The following CEP170 variants were observed in gnomAD, a reference collection of about 807,000 sequenced individuals.
CEP170 encodes the protein centrosomal protein of 170 kDa.
A neutral mutation model predicts 151.9 loss-of-function variants in CEP170; 21 were observed. That is an observed-to-expected ratio of 0.14 (90% confidence interval 0.10 to 0.20). CEP170 has a LOEUF of 0.20. CEP170 is among the 10% of genes least tolerant of loss of function. CEP170 has a pLI of 1.00. For missense variants in CEP170, 964 were observed against 1,892.9 expected, an observed-to-expected ratio of 0.51 and a Z score of 9.11; for synonymous variants, 356 against 648.8, an observed-to-expected ratio of 0.55 and a Z score of 6.86.
intron 1 of CEP170, among the ~76,000 whole-genome samples, chr1:243,233,744 AT>A (rs67429858): frequency 0.011 from 1,476 of 130,928 alleles, 19 homozygotes; most frequent in African/African-American, 0.022. Flanking sequence ...AAAAAAAAAT[AT>A]ATATATATAT....
At chr1:243,230,995 A>G (rs986215444) in intron 1 of CEP170, among the ~76,000 whole-genome samples, 3 of 152,106 alleles carry the variant, frequency 2.0e-5, no homozygotes, top group African/African-American at 7.2e-5. Context: ...CAGTGACAGA[A>G]GTGACTCTTC....
chr1:243,141,170 G>A (rs2055788758), intron 15 of CEP170, among the ~76,000 whole-genome samples: 1 of 152,026 alleles, frequency 6.6e-6, no homozygotes, highest in African/African-American at 2.4e-5. Flanking sequence ...TGTCAAAAAG[G>A]CTAGCCATTT....
rs534948861 is a variant in CEP170, at chr1:243,167,157, A to G, written c.1844-1041T>C. On this transcript the variant is annotated intron_variant, in intron 12 of 19. Transcript: ENST00000366542. Reference sequence around the variant, plus strand: ...GTTTATTTTCTATATTTTCAACTACATAGTAGAGAAGAACAACATAACTAG... The same window carrying G: ...GTTTATTTTCTATATTTTCAACTACGTAGTAGAGAAGAACAACATAACTAG... Among the ~76,000 whole-genome samples, 77 of 152,238 alleles carry G rather than the reference A, an allele frequency of 5.1e-4. 1 individual carries two copies. The South Asian group carries it at 0.015, about 30-fold the overall frequency.
At position 243,185,911 on chromosome 1, in the gene CEP170, C is replaced by T. The variant is rs755590678; in HGVS notation, c.1434G>A (p.Met478Ile). 1.2e-6 allele frequency: 2 copies of T among 1,613,704 alleles called. No individual in the cohort carries two copies. Among genetic ancestry groups the T allele is most frequent in the Non-Finnish European group, 1.7e-6 (2 of 1,179,684 alleles). The change falls in exon 10 of 20, where the codon ATG becomes ATA. Residue 478 changes from methionine (M) to isoleucine (I), a missense_variant. Physicochemically the swap from Met to Ile is conservative, Grantham distance 10. Coordinates refer to ENST00000366542, the MANE Select transcript of CEP170 (RefSeq NM_014812.3). The surrounding 1 kb of genome is among the most constrained non-coding windows in gnomAD (Gnocchi z 4.9). ...TAGCAGAAGTTGCTTGATTTTTTAA[C>T]ATTTTATCCATCTCCTGGCTTGGTC... ...GHRPSQEMDK[M>I]LKNQATSATS...
intron 14 of CEP170, among the ~76,000 whole-genome samples, chr1:243,155,607 TAGTA>T (rs1417057704): frequency 1.3e-5 from 2 of 152,164 alleles, no homozygotes; most frequent in Non-Finnish European, 2.9e-5. Context: ...AGTTCAGCCA[TAGTA>T]AGTTATTAAT....
intron 4 of CEP170, among the ~76,000 whole-genome samples, chr1:243,204,332 A>G (rs1469336324): frequency 6.6e-6 from 1 of 152,188 alleles, no homozygotes; most frequent in African/African-American, 2.4e-5. Context: ...CAGATTAATT[A>G]TAGTTTTAGA....
chr1:243,132,194 C>G (rs966706862), intron 17 of CEP170, among the ~76,000 whole-genome samples: 3 of 152,196 alleles, frequency 2.0e-5, no homozygotes, highest in Non-Finnish European at 2.9e-5. Context: ...CCAGTTGATT[C>G]TCAAACTACC....
At chr1:243,214,280 G>GTTTTTTTTTTTTT (rs758433258) in intron 3 of CEP170, among the ~76,000 whole-genome samples, 1 of 100,546 alleles carries the variant, frequency 9.9e-6, no homozygotes, top group Admixed American at 1.3e-4. Flanking sequence ...AAGCTGTAAA[G>GTTTTTTTTTTTTT]TTTTTTTTTT....
chr1:243,225,182 C>T lies in CEP170; in HGVS notation c.99G>A (p.Met33Ile), dbSNP rs759917825. The change falls in exon 2 of 20, where the codon ATG becomes ATA. Residue 33 changes from methionine (M) to isoleucine (I), a missense_variant. Met to Ile is a conservative substitution (Grantham distance 10). Transcript: ENST00000366542. ...IFVGRDDCEL[M>I]LQSRSVDKQH... ...AGAAGCTTGACACAATTACCTGCAA[C>T]ATGAGCTCACAGTCATCTCTTCCAA... 6.3e-6 allele frequency: 10 copies of T among 1,588,222 alleles called. No homozygotes were observed. The South Asian group carries it at 9.2e-5, about 15-fold the overall frequency.
At chr1:243,127,581 CTAAA>C (rs1184755407) in intron 19 of CEP170, among the ~76,000 whole-genome samples, 1 of 152,028 alleles carries the variant, frequency 6.6e-6, no homozygotes, top group Non-Finnish European at 1.5e-5. Flanking sequence ...TGTGTTGGGG[CTAAA>C]TAAAGATGAA....
intron 8 of CEP170, among the ~76,000 whole-genome samples, chr1:243,187,315 G>A (rs879478197): frequency 6.6e-6 from 1 of 152,164 alleles, no homozygotes; most frequent in Non-Finnish European, 1.5e-5. Flanking sequence ...GGTTTTGGAT[G>A]TGATGACACA....
chr1:243,157,394 G>A (rs971797935), intron 13 of CEP170, among the ~76,000 whole-genome samples: 3 of 152,080 alleles, frequency 2.0e-5, no homozygotes, highest in African/African-American at 7.2e-5. Context: ...TAAAAAGAGA[G>A]ATAATGGCTA....
At chr1:243,150,692 A>G (rs2148407612) in intron 14 of CEP170, among the ~76,000 whole-genome samples, 1 of 152,278 alleles carries the variant, frequency 6.6e-6, no homozygotes, top group East Asian at 1.9e-4. Context: ...TGTGAGATCT[A>G]CACAAAATTA....
intron 13 of CEP170, among the ~76,000 whole-genome samples, chr1:243,159,670 A>G (rs1398616735): frequency 6.6e-6 from 1 of 152,172 alleles, no homozygotes; most frequent in Non-Finnish European, 1.5e-5. Flanking sequence ...TGCTGAAATC[A>G]AAGTATAAGC....
At chr1:243,232,929 A>T (rs1269354618) in intron 1 of CEP170, among the ~76,000 whole-genome samples, 1 of 152,182 alleles carries the variant, frequency 6.6e-6, no homozygotes, top group African/African-American at 2.4e-5. Context: ...AGCATTTGAC[A>T]AGCTATTTTT....
intron 13 of CEP170, among the ~76,000 whole-genome samples, chr1:243,159,999 G>A (rs1440183613): frequency 1.3e-5 from 2 of 152,070 alleles, no homozygotes; most frequent in Non-Finnish European, 1.5e-5. Flanking sequence ...ATGTTGGCCA[G>A]GCTGATCTCG....
chr1:243,230,330 C>T (rs542701344), intron 1 of CEP170, among the ~76,000 whole-genome samples: 80 of 147,370 alleles, frequency 5.4e-4, no homozygotes, highest in Non-Finnish European at 9.9e-4. Context: ...AAATAAGATA[C>T]AAAATACAGT....
intron 1 of CEP170, among the ~76,000 whole-genome samples, chr1:243,238,764 C>T (rs886979099): frequency 1.3e-5 from 2 of 152,100 alleles, no homozygotes; most frequent in African/African-American, 4.8e-5. Context: ...ATTTGAATTT[C>T]CAAAGTCAAA....
chr1:243,186,093 C>T, intron 9 of CEP170, 21 bp from the exon 10 acceptor site: 3 of 1,613,580 alleles, frequency 1.9e-6, no homozygotes, highest in Non-Finnish European at 2.5e-6. Flanking sequence ...AAAGAAACCA[C>T]TTTGGCATCT....
Sources: allele counts gnomAD v4.1 joint callset (sites outside exome capture counted in the v4.1 genomes callset), GRCh38; gene constraint gnomAD v4.1.1; non-coding constraint Gnocchi (gnomAD v3.1); transcripts MANE v1.5; gene names NCBI Gene and HGNC (gene_info 2026-07-23, HGNC 2026-07-21).